Variants in LRRC4C observed in about 807,000 individuals in gnomAD.
LRRC4C encodes the protein leucine rich repeat containing 4C.
In LRRC4C, 5 loss-of-function variants were observed where a neutral mutation model predicts 33.6. That is an observed-to-expected ratio of 0.15 (90% CI 0.08 to 0.31). The LOEUF (loss-of-function observed/expected upper bound fraction) is 0.31. Among genes scored for constraint, LRRC4C ranks in the 10% least tolerant of loss-of-function variants. LRRC4C has a pLI of 1.00. For missense variants in LRRC4C, 560 were observed against 796.7 expected (o/e 0.70, Z 3.58); for synonymous variants, 329 against 302.0 (o/e 1.09, Z -0.93).
intron 2 of LRRC4C, among the ~76,000 whole-genome samples, chr11:40,777,669 A>C (rs1347084134): frequency 2.0e-5 from 3 of 151,516 alleles, no homozygotes; most frequent in Non-Finnish European, 2.9e-5. Flanking sequence ...CAGCAGACAA[A>C]TGGATCTTGA....
At chr11:41,109,644 T>C (rs1469967184) in intron 1 of LRRC4C, among the ~76,000 whole-genome samples, 1 of 152,096 alleles carries the variant, frequency 6.6e-6, no homozygotes, top group African/African-American at 2.4e-5. Flanking sequence ...AAAAAGTGCG[T>C]AACGGAACTA....
At chr11:40,298,930 A>G (rs1460426112) in intron 4 of LRRC4C, among the ~76,000 whole-genome samples, 1 of 152,192 alleles carries the variant, frequency 6.6e-6, no homozygotes, top group African/African-American at 2.4e-5. Context: ...ATCACCTCCC[A>G]TGAGGTCCCT....
intron 5 of LRRC4C, among the ~76,000 whole-genome samples, chr11:40,237,530 A>G (rs996625329): frequency 6.6e-6 from 1 of 152,190 alleles, no homozygotes; most frequent in African/African-American, 2.4e-5. Flanking sequence ...AGCATTGTGT[A>G]TATAAAGAAT....
intron 4 of LRRC4C, among the ~76,000 whole-genome samples, chr11:40,304,551 A>G (rs898850199): frequency 6.6e-6 from 1 of 152,168 alleles, no homozygotes; most frequent in Admixed American, 6.5e-5. Context: ...AGTTTTTCTT[A>G]GTATCTTTAA....
intron 1 of LRRC4C, among the ~76,000 whole-genome samples, chr11:41,351,197 A>G (rs1951968833): frequency 6.6e-6 from 1 of 152,036 alleles, no homozygotes; most frequent in East Asian, 1.9e-4. Context: ...TGATCATGCC[A>G]CTGCACTCCA....
chr11:40,496,837 T>A (rs1422385425), intron 3 of LRRC4C, among the ~76,000 whole-genome samples: 4 of 152,172 alleles, frequency 2.6e-5, no homozygotes, highest in Non-Finnish European at 5.9e-5. Context: ...TCACATGTGC[T>A]CATGTCTTGA....
At chr11:41,106,122 G>T (rs1941478853) in intron 1 of LRRC4C, among the ~76,000 whole-genome samples, 1 of 152,070 alleles carries the variant, frequency 6.6e-6, no homozygotes, top group African/African-American at 2.4e-5. Flanking sequence ...ACTGTAATAA[G>T]TCAGTGACAG....
At chr11:40,708,292 T>C (rs1946274595) in intron 2 of LRRC4C, among the ~76,000 whole-genome samples, 1 of 152,226 alleles carries the variant, frequency 6.6e-6, no homozygotes, top group Non-Finnish European at 1.5e-5. Flanking sequence ...CTAGTTCTTT[T>C]AATTGTGATG....
chr11:41,444,581 A>G (rs10219218), intron 1 of LRRC4C, among the ~76,000 whole-genome samples: 150,757 of 152,270 alleles, frequency 0.99, 74,648 homozygotes, highest in Middle Eastern at 1. Flanking sequence ...CACAGTAGAC[A>G]AAGATGTGTC....
intron 1 of LRRC4C, among the ~76,000 whole-genome samples, chr11:41,447,329 T>C (rs1309175232): frequency 6.6e-6 from 1 of 152,212 alleles, no homozygotes; most frequent in East Asian, 1.9e-4. Context: ...ATAGAATCAA[T>C]ACATGAAATA....
At chr11:40,159,600 C>CAGATGTGCTT (rs1425737909) in intron 5 of LRRC4C, among the ~76,000 whole-genome samples, 3 of 152,132 alleles carry the variant, frequency 2.0e-5, no homozygotes, top group Non-Finnish European at 4.4e-5. Flanking sequence ...CATAGTTCTC[C>CAGATGTGCTT]AGATGTGCTT....
intron 1 of LRRC4C, among the ~76,000 whole-genome samples, chr11:40,978,695 C>T (rs1008804397): frequency 2.0e-5 from 3 of 150,578 alleles, no homozygotes; most frequent in Admixed American, 6.6e-5. Flanking sequence ...ACTCTCAGCT[C>T]ACTGCAACCT....
At chr11:40,163,050 G>T (rs1396976346) in intron 5 of LRRC4C, among the ~76,000 whole-genome samples, 2 of 152,044 alleles carry the variant, frequency 1.3e-5, no homozygotes, top group South Asian at 2.1e-4. Flanking sequence ...CAACCATATT[G>T]CACCTAGTCT....
intron 3 of LRRC4C, among the ~76,000 whole-genome samples, chr11:40,616,230 G>T (rs1040919843): frequency 3.9e-5 from 6 of 151,900 alleles, no homozygotes; most frequent in African/African-American, 1.2e-4. Context: ...ACACCAGTTA[G>T]AATGGCGATC....
intron 1 of LRRC4C, among the ~76,000 whole-genome samples, chr11:41,252,007 GA>G (rs1565519342): frequency 6.6e-6 from 1 of 151,822 alleles, no homozygotes. Context: ...GTGTTAATAT[GA>G]AAAAAAGAAT....
chr11:40,460,656 T>C (rs1952350144), intron 3 of LRRC4C, among the ~76,000 whole-genome samples: 1 of 152,190 alleles, frequency 6.6e-6, no homozygotes, highest in Non-Finnish European at 1.5e-5. Flanking sequence ...CACAATTTCA[T>C]AATTTTTGAA....
At chr11:40,878,375 G>A (rs555188381) in intron 2 of LRRC4C, among the ~76,000 whole-genome samples, 1 of 152,116 alleles carries the variant, frequency 6.6e-6, no homozygotes. Flanking sequence ...AAACTTCTCT[G>A]CTAATGTTGA....
intron 2 of LRRC4C, among the ~76,000 whole-genome samples, chr11:40,760,420 A>T: frequency 6.6e-6 from 1 of 151,604 alleles, no homozygotes; most frequent in East Asian, 1.9e-4. Flanking sequence ...ACCAAAAAAA[A>T]AAAAAAAGTT....
intron 3 of LRRC4C, among the ~76,000 whole-genome samples, chr11:40,570,546 C>T (rs1258283281): frequency 6.6e-6 from 1 of 152,114 alleles, no homozygotes; most frequent in Admixed American, 6.6e-5. Context: ...ATCTTTATAA[C>T]CCATAATACT....
Sources: gnomAD v4.1 joint callset for allele counts (sites outside exome capture counted in the v4.1 genomes callset) on GRCh38, gnomAD v4.1.1 for gene constraint, MANE v1.5 for transcripts, NCBI Gene and HGNC (gene_info 2026-07-23, HGNC 2026-07-21) for gene names.